CERS3: variants seen among roughly 807,000 people sequenced by gnomAD.
CERS3 encodes the protein ceramide synthase 3, also known as LAG1 homolog, ceramide synthase 3.
A neutral mutation model predicts 50.3 loss-of-function variants in CERS3; 33 were observed. The ratio of observed to expected loss-of-function variants is 0.66; its 90% CI spans 0.50 to 0.88. The LOEUF (loss-of-function observed/expected upper bound fraction) is 0.88. Ranked by LOEUF, CERS3 falls within the 40% of genes least tolerant of loss-of-function variation. The pLI is 0.00. For missense variants in CERS3, 470 were observed against 460.3 expected (o/e 1.02, Z -0.19); for synonymous variants, 176 against 155.2 (o/e 1.13, Z -0.99).
At chr15:100,483,834 G>A (rs2035401187) in intron 5 of CERS3, among the ~76,000 whole-genome samples, 1 of 131,612 alleles carries the variant, frequency 7.6e-6, no homozygotes, top group Non-Finnish European at 1.6e-5. Flanking sequence ...AGGCTGGAGT[G>A]CAGTGGCGGG....
At chr15:100,503,714 C>T (rs939569099) in intron 2 of CERS3, 1 of 470,988 alleles carries the variant, frequency 2.1e-6, no homozygotes, top group Non-Finnish European at 4.4e-6. Context: ...ACATGCCTGG[C>T]AGCTCTTCTG....
At position 100,419,845 on chromosome 15, in the gene CERS3, C is replaced by T. The variant is rs1323166898; in HGVS notation, c.1000-16980G>A. On this transcript the variant is annotated intron_variant, in intron 11 of 11. Transcript: ENST00000679737. ...TCCTGAATGACTACTGGGTACATAACGAAATGAAGGCAGAAATAAAGATGT... is the reference window on the plus strand; with the variant it reads ...TCCTGAATGACTACTGGGTACATAATGAAATGAAGGCAGAAATAAAGATGT... Among the ~76,000 whole-genome samples, 30 of 143,800 alleles carry T rather than the reference C, an allele frequency of 2.1e-4. 1 individual carries two copies. In the East Asian group the frequency reaches 4.9e-3, roughly 23 times the overall value. 94.3% of individuals were successfully genotyped at this position (143,800 alleles called of 152,430 possible). A position where few individuals can be genotyped will look rare whatever the true frequency, so the allele number is the denominator to read the frequency against.
chr15:100,454,387 C>CAAAAAAAA (rs59536958), intron 11 of CERS3, among the ~76,000 whole-genome samples: 3,563 of 110,948 alleles, frequency 0.032, 212 homozygotes, highest in East Asian at 0.25. Context: ...AAGGCATTGT[C>CAAAAAAAA]AAAAAAAAAA....
chr15:100,405,328 A>C (rs2030930614), intron 11 of CERS3, among the ~76,000 whole-genome samples: 1 of 152,162 alleles, frequency 6.6e-6, no homozygotes, highest in Non-Finnish European at 1.5e-5. Flanking sequence ...AGGATGACAA[A>C]TAAGCATATG....
intron 1 of CERS3, among the ~76,000 whole-genome samples, chr15:100,540,162 T>C (rs1329949116): frequency 6.6e-6 from 1 of 152,220 alleles, no homozygotes; most frequent in Non-Finnish European, 1.5e-5. Flanking sequence ...CCACTGGCTA[T>C]GATCACTCTG....
At chr15:100,521,217 C>T (rs151261936) in intron 2 of CERS3, among the ~76,000 whole-genome samples, 29 of 152,284 alleles carry the variant, frequency 1.9e-4, no homozygotes, top group African/African-American at 4.3e-4. Flanking sequence ...GACTCTTCCT[C>T]GTACAAATGA....
At chr15:100,433,567 T>C (rs1044118576) in intron 11 of CERS3, among the ~76,000 whole-genome samples, 5 of 152,186 alleles carry the variant, frequency 3.3e-5, no homozygotes, top group Non-Finnish European at 5.9e-5. Context: ...CACCCAGAAC[T>C]AGAGCTCTCT....
At chr15:100,539,405 TG>T (rs1239586107) in intron 1 of CERS3, among the ~76,000 whole-genome samples, 4 of 152,170 alleles carry the variant, frequency 2.6e-5, no homozygotes, top group Non-Finnish European at 2.9e-5. Context: ...TGCTCAAGAC[TG>T]GGTAATTCAT....
intron 10 of CERS3, among the ~76,000 whole-genome samples, chr15:100,461,447 G>A (rs928999912): frequency 2.6e-5 from 4 of 152,200 alleles, no homozygotes; most frequent in Non-Finnish European, 4.4e-5. Context: ...GGGCTCCCAG[G>A]ATCTTAGCAA....
At chr15:100,538,754 G>T (rs2037132102) in intron 1 of CERS3, among the ~76,000 whole-genome samples, 1 of 152,206 alleles carries the variant, frequency 6.6e-6, no homozygotes, top group Non-Finnish European at 1.5e-5. Flanking sequence ...CATTGTCTTG[G>T]TGATGAACGT....
chr15:100,434,561 T>C (rs2033300728), intron 11 of CERS3, among the ~76,000 whole-genome samples: 1 of 152,208 alleles, frequency 6.6e-6, no homozygotes, highest in African/African-American at 2.4e-5. Flanking sequence ...CACAAAACTC[T>C]CTTCTGAGAC....
At chr15:100,536,977 G>A (rs1381154353) in intron 1 of CERS3, among the ~76,000 whole-genome samples, 1 of 152,206 alleles carries the variant, frequency 6.6e-6, no homozygotes, top group Non-Finnish European at 1.5e-5. Flanking sequence ...TGCACAAGGT[G>A]CTTGAAATAC....
chr15:100,506,142 T>C (rs1316008844), intron 2 of CERS3, among the ~76,000 whole-genome samples: 1 of 151,896 alleles, frequency 6.6e-6, no homozygotes, highest in African/African-American at 2.4e-5. Context: ...GACAAATGGA[T>C]ACCATCAATG....
chr15:100,521,822 T>C (rs1347717454), intron 1 of CERS3, 66 bp from the exon 2 acceptor site: 1 of 152,182 alleles, frequency 6.6e-6, no homozygotes, highest in Non-Finnish European at 1.5e-5. Flanking sequence ...AGCGTCCTTC[T>C]ATAATAGGTC....
intron 1 of CERS3, among the ~76,000 whole-genome samples, chr15:100,543,001 C>T (rs575641058): frequency 3.7e-4 from 57 of 152,246 alleles, no homozygotes; most frequent in Admixed American, 7.2e-4. Context: ...GCAACCTCCA[C>T]CTCCTGGGCT....
chr15:100,494,088 T>C lies in CERS3; in HGVS notation c.174-3157A>G, dbSNP rs369280420. 1.1e-4 allele frequency among the ~76,000 whole-genome samples: 16 copies of C among 151,508 alleles called. No individual in the cohort carries two copies. The South Asian group carries it at 2.7e-3, about 26-fold the overall frequency. The stretch of plus-strand genomic sequence containing the variant: ...ATGTCTCATAAGTTTTTGTTGAAAA[T>C]TGGACATGTTAAATACTATAAGGTG... On this transcript the variant is annotated intron_variant, in intron 3 of 11. Transcript: ENST00000679737.
At chr15:100,434,172 A>G (rs1398042902) in intron 11 of CERS3, among the ~76,000 whole-genome samples, 1 of 152,222 alleles carries the variant, frequency 6.6e-6, no homozygotes, top group Non-Finnish European at 1.5e-5. Context: ...TGTCAGTTGC[A>G]TGGAGGAATC....
chr15:100,491,049 CA>C (rs1195298291), intron 3 of CERS3, 118 bp from the exon 4 acceptor site: 11 of 657,428 alleles, frequency 1.7e-5, no homozygotes, highest in African/African-American at 3.7e-5. Context: ...TTTATGTTGA[CA>C]CTGGGGCTAC....
At chr15:100,508,938 C>T (rs969161160) in intron 2 of CERS3, among the ~76,000 whole-genome samples, 10 of 152,132 alleles carry the variant, frequency 6.6e-5, no homozygotes, top group South Asian at 2.1e-4. Context: ...AAATCTGAGG[C>T]TATTTTTTAA....
Sources: gnomAD v4.1 joint callset for allele counts (sites outside exome capture counted in the v4.1 genomes callset) on GRCh38, gnomAD v4.1.1 for gene constraint, MANE v1.5 for transcripts, NCBI Gene and HGNC (gene_info 2026-07-23, HGNC 2026-07-21) for gene names.